Variants in MYOF observed in about 807,000 individuals in gnomAD.
The protein encoded by MYOF is fer-1-like 3, myoferlin.
A neutral mutation model predicts 284.2 loss-of-function variants in MYOF; 244 were observed. The observed-to-expected ratio is 0.86, with a 90% confidence interval of 0.77 to 0.95. The LOEUF (loss-of-function observed/expected upper bound fraction) is 0.95, where lower values mean the gene tolerates loss of function less well. MYOF is among the 40% of genes least tolerant of loss of function. The pLI, the probability that MYOF is intolerant of heterozygous loss-of-function variation, is 0.00. For synonymous variants in MYOF, 904 were observed against 919.7 expected (o/e 0.98, Z 0.31); for missense variants, 2,496 against 2,560.6 (o/e 0.97, Z 0.54).
At chr10:93,380,022 A>G in intron 20 of MYOF, 35 bp from the exon 21 acceptor site, 1 of 1,602,534 alleles carries the variant, frequency 6.2e-7, no homozygotes, top group African/African-American at 1.3e-5. Flanking sequence ...TGAACACTGA[A>G]CACTTAAAAT....
intron 2 of MYOF, among the ~76,000 whole-genome samples, chr10:93,455,539 C>T (rs919587093): frequency 1.3e-5 from 2 of 151,980 alleles, no homozygotes; most frequent in African/African-American, 4.8e-5. Context: ...GTGGTGCACG[C>T]TTGTGGTCCC....
Position 93,372,958 on chromosome 10 carries a change from C to T in MYOF, c.2429G>A (p.Cys810Tyr). ...TSGENASGKY[C>Y]GKTQTIFLKY... ...CAGAAAGATGGTTTGGGTTTTCCCA[C>T]AGTATTTTCCAGATGCATTCTCACC... The change falls in exon 24 of 54, where the codon TGT (cysteine) becomes TAT (tyrosine). Residue 810 changes from cysteine to tyrosine, a missense_variant. Coordinates refer to ENST00000359263, the MANE Select transcript of MYOF (RefSeq NM_013451.4). 1 of 1,614,214 alleles carries T rather than the reference C, an allele frequency of 6.2e-7. No homozygotes were observed. The highest frequency in any genetic ancestry group is 2.2e-5 in the East Asian group (1 of 44,886).
chr10:93,310,499 G>GT (rs1295257994), intron 52 of MYOF, 35 bp downstream of exon 52: 1 of 1,599,270 alleles, frequency 6.3e-7, no homozygotes, highest in South Asian at 1.1e-5. Flanking sequence ...GCCTGCAGGT[G>GT]TTTGGGGAGT....
chr10:93,318,918 C>T (rs1297193818), intron 49 of MYOF, among the ~76,000 whole-genome samples: 1 of 152,134 alleles, frequency 6.6e-6, no homozygotes, highest in African/African-American at 2.4e-5. Flanking sequence ...AACAGGGCAC[C>T]TATAGAAGAC....
rs1235222315 is a variant in MYOF, at chr10:93,343,936, C to T, written c.4250-4G>A. On this transcript the variant is annotated splice_polypyrimidine_tract_variant and splice_region_variant and intron_variant, in intron 37 of 53. Transcript: ENST00000359263. The stretch of plus-strand genomic sequence containing the variant: ...GGTGGGGCAGACAGAAGGGAGGCTG[C>T]AAGACAAATACTTTCTTAATCTAAG... 1 of 1,614,084 alleles carries T rather than the reference C, an allele frequency of 6.2e-7. No individual in the cohort carries two copies. Among genetic ancestry groups the T allele is most frequent in the Non-Finnish European group, 8.5e-7 (1 of 1,179,984 alleles).
intron 50 of MYOF, among the ~76,000 whole-genome samples, chr10:93,314,229 C>T (rs1253221839): frequency 2.6e-5 from 4 of 152,150 alleles, no homozygotes; most frequent in East Asian, 3.9e-4. Context: ...GCTGGGACTA[C>T]AGGTGTGCAC....
chr10:93,460,302 A>G (rs1218931152), intron 1 of MYOF, among the ~76,000 whole-genome samples: 1 of 152,236 alleles, frequency 6.6e-6, no homozygotes, highest in Non-Finnish European at 1.5e-5. Flanking sequence ...GCCTGGGACC[A>G]TGGATCCTCT....
chr10:93,457,042 C>A, intron 1 of MYOF, 105 bp from the exon 2 acceptor site: 1 of 746,746 alleles, frequency 1.3e-6, no homozygotes, highest in Non-Finnish European at 2.2e-6. Flanking sequence ...TACTTGCACC[C>A]ACATCTCCCC....
chr10:93,333,801 A>T lies in MYOF; in HGVS notation c.4676T>A (p.Ile1559Asn), dbSNP rs779112671. The T allele has an allele frequency of 1.2e-6, 2 of 1,614,176 alleles. No individual in the cohort carries two copies. The highest frequency in any genetic ancestry group is 1.3e-5 in the African/African-American group (1 of 75,038). Residue 1559 changes from isoleucine to asparagine, a missense_variant, in exon 42 of 54, where the codon ATT becomes AAT. Ile to Asn is a moderately radical substitution (Grantham distance 149). Transcript: ENST00000359263. ...GGGCTGGAGCTCTAAGCCTCGAACA[A>T]TGTAAATCCTAACCGTGCATTCCTG... ...VPQECTVRIY[I>N]VRGLELQPQD...
At chr10:93,364,134 G>A (rs1011103318) in intron 26 of MYOF, 59 bp from the exon 27 acceptor site, 51 of 1,425,800 alleles carry the variant, frequency 3.6e-5, no homozygotes, top group Non-Finnish European at 4.5e-5. Context: ...CAGCCTCGGC[G>A]ATTGCCAACA....
chr10:93,408,956 C>A (rs758885515), intron 6 of MYOF, 41 bp from the exon 7 acceptor site: 3 of 1,611,564 alleles, frequency 1.9e-6, no homozygotes, highest in Admixed American at 3.3e-5. Flanking sequence ...CCTTTCCCAG[C>A]ACGTGGGATC....
chr10:93,411,780 A>G (rs17108637), intron 5 of MYOF, among the ~76,000 whole-genome samples: 19,970 of 152,218 alleles, frequency 0.13, 2,551 homozygotes, highest in East Asian at 0.64. Flanking sequence ...GTTCTTCAAA[A>G]GTCAATCACC....
At chr10:93,318,216 T>C (rs1196942043) in intron 49 of MYOF, among the ~76,000 whole-genome samples, 1 of 152,054 alleles carries the variant, frequency 6.6e-6, no homozygotes, top group African/African-American at 2.4e-5. Context: ...ATCCTTGGAG[T>C]TCGAGACCAG....
intron 3 of MYOF, among the ~76,000 whole-genome samples, chr10:93,435,951 A>T (rs1480176331): frequency 2.0e-5 from 3 of 150,938 alleles, no homozygotes; most frequent in Admixed American, 6.6e-5. Context: ...TTTTTTTTTT[A>T]AAGTCCTACT....
intron 1 of MYOF, among the ~76,000 whole-genome samples, chr10:93,465,911 G>C (rs1415073305): frequency 6.6e-6 from 1 of 152,204 alleles, no homozygotes; most frequent in Non-Finnish European, 1.5e-5. Flanking sequence ...CCTGTGACTG[G>C]AGGAAGTGCC....
rs372150636 is a variant in MYOF at position 93,380,005 on chromosome 10, G to A, written c.1877-18C>T. The A allele has an allele frequency of 6.2e-7, 1 of 1,609,506 alleles. No homozygotes were observed. Among genetic ancestry groups the A allele is most frequent in the African/African-American group, 1.3e-5 (1 of 74,958 alleles). Reference sequence around the variant, plus strand: ...GTAGTTGCCTGGTATAAAACATTGGGGGTCAATGAACACTGAACACTTAAA... The same window carrying A: ...GTAGTTGCCTGGTATAAAACATTGGAGGTCAATGAACACTGAACACTTAAA... On this transcript the variant is annotated intron_variant, in intron 20 of 53. Coordinates refer to ENST00000359263, the MANE Select transcript of MYOF (RefSeq NM_013451.4).
At chr10:93,343,742 G>T in intron 38 of MYOF, 114 bp downstream of exon 38, 2 of 1,058,718 alleles carry the variant, frequency 1.9e-6, no homozygotes, top group Non-Finnish European at 2.9e-6. Context: ...TAAATGGATT[G>T]GCTGATGATT....
chr10:93,355,660 G>T lies in MYOF; in HGVS notation c.3371C>A (p.Ala1124Glu), dbSNP rs781160518. Residue 1124 changes from alanine to glutamate, a missense_variant, in exon 31 of 54, where the codon GCA becomes GAA. By Grantham distance (107) the Ala-to-Glu change is moderately radical. Coordinates refer to ENST00000359263, the MANE Select transcript of MYOF (RefSeq NM_013451.4). ...QKHSATTVFG[A>E]NTPIVSCNFD... ...ATTGCAGGAAACAATGGGGGTGTTTGCTCCGAACACAGTGGTGGCACTGTG... is the reference window on the plus strand; with the variant it reads ...ATTGCAGGAAACAATGGGGGTGTTTTCTCCGAACACAGTGGTGGCACTGTG... The T allele has an allele frequency of 6.2e-7, 1 of 1,612,132 alleles. No individual in the cohort carries two copies. Among genetic ancestry groups the T allele is most frequent in the Non-Finnish European group, 8.5e-7 (1 of 1,178,652 alleles).
intron 34 of MYOF, 39 bp downstream of exon 34, chr10:93,351,374 C>T (rs1206269273): frequency 1.2e-6 from 2 of 1,610,466 alleles, no homozygotes; most frequent in Non-Finnish European, 1.7e-6. Flanking sequence ...GCATTTTAAG[C>T]AGCTGACAGA....
Sources: gnomAD v4.1 joint callset for allele counts (sites outside exome capture counted in the v4.1 genomes callset) on GRCh38, gnomAD v4.1.1 for gene constraint, MANE v1.5 for transcripts, NCBI Gene and HGNC (gene_info 2026-07-23, HGNC 2026-07-21) for gene names.